GLRA3: variants seen among roughly 807,000 people sequenced by gnomAD.
GLRA3 encodes glycine receptor subunit alpha-3.
GLRA3 carries 44 observed loss-of-function variants against 60.4 expected under a neutral mutation model. The ratio of observed to expected loss-of-function variants is 0.73; its 90% CI spans 0.57 to 0.94. The LOEUF (loss-of-function observed/expected upper bound fraction) is 0.94, where lower values mean the gene tolerates loss of function less well. GLRA3 is among the 40% of genes least tolerant of loss of function. The probability of loss-of-function intolerance (pLI) is 0.00; values close to 1 mark genes in which losing one functional copy is unlikely to be tolerated. For synonymous variants in GLRA3, 223 were observed against 192.9 expected (o/e 1.16, Z -1.29); for missense variants, 508 against 564.6 (o/e 0.90, Z 1.02).
intron 1 of GLRA3, among the ~76,000 whole-genome samples, chr4:174,801,552 T>A (rs1314435840): frequency 3.7e-4 from 57 of 152,076 alleles, no homozygotes; most frequent in Non-Finnish European, 5.9e-5. Context: ...ATTCTCAAGA[T>A]GAAAATCTTT....
chr4:174,657,314 A>G (rs574458153), intron 8 of GLRA3, among the ~76,000 whole-genome samples: 2 of 152,300 alleles, frequency 1.3e-5, no homozygotes, highest in Non-Finnish European at 2.9e-5. Flanking sequence ...GATGTAGGAT[A>G]TGTCTGAGCT....
At chr4:174,813,024 A>G (rs1353897176) in intron 1 of GLRA3, among the ~76,000 whole-genome samples, 6 of 152,176 alleles carry the variant, frequency 3.9e-5, no homozygotes, top group African/African-American at 1.2e-4. Context: ...GCTTTGTACA[A>G]AAAGGCTAGC....
At chr4:174,816,534 C>T (rs1204844244) in intron 1 of GLRA3, among the ~76,000 whole-genome samples, 1 of 152,034 alleles carries the variant, frequency 6.6e-6, no homozygotes. Flanking sequence ...CTATTTTTGT[C>T]CTGGCACTAT....
At position 174,677,301 on chromosome 4, in the gene GLRA3, T is replaced by C. The variant is rs776968068; in HGVS notation, c.713-9A>G. 24 of 1,536,290 alleles carry C rather than the reference T, an allele frequency of 1.6e-5. No individual in the cohort carries two copies. Among genetic ancestry groups the C allele is most frequent in the Non-Finnish European group, 2.1e-5 (23 of 1,110,978 alleles). ...TATACACGTAAACTTTCCTAATTGGTGGTAAGGTAAATACAGCAATTAGTA... is the reference window on the plus strand; with the variant it reads ...TATACACGTAAACTTTCCTAATTGGCGGTAAGGTAAATACAGCAATTAGTA... On this transcript the variant is annotated splice_polypyrimidine_tract_variant and intron_variant, in intron 6 of 9. Transcript: ENST00000274093.
chr4:174,720,387 G>C (rs1415675533), intron 4 of GLRA3, among the ~76,000 whole-genome samples: 2 of 152,148 alleles, frequency 1.3e-5, no homozygotes, highest in African/African-American at 4.8e-5. Context: ...TGTATGTCTG[G>C]CACTATGCTG....
intron 2 of GLRA3, among the ~76,000 whole-genome samples, chr4:174,775,440 AAGAC>A (rs1561110356): frequency 6.6e-6 from 1 of 152,204 alleles, no homozygotes; most frequent in Non-Finnish European, 1.5e-5. Flanking sequence ...TTAAGGGTAA[AAGAC>A]AGAAACCACA....
chr4:174,727,546 C>T (rs926067247), intron 4 of GLRA3, among the ~76,000 whole-genome samples: 1 of 152,180 alleles, frequency 6.6e-6, no homozygotes, highest in African/African-American at 2.4e-5. Flanking sequence ...GAATTCTGTT[C>T]TTACGTCCTG....
At chr4:174,727,759 G>A (rs1736381290) in intron 4 of GLRA3, among the ~76,000 whole-genome samples, 1 of 151,716 alleles carries the variant, frequency 6.6e-6, no homozygotes. Context: ...ATTTTTATTA[G>A]TGTTTATTGT....
intron 3 of GLRA3, among the ~76,000 whole-genome samples, chr4:174,756,696 G>A (rs1379008621): frequency 6.6e-6 from 1 of 150,402 alleles, no homozygotes; most frequent in South Asian, 2.1e-4. Context: ...CCAGGCTGGA[G>A]TGCAGTGGCG....
chr4:174,737,928 CAACT>C (rs1283108743), intron 3 of GLRA3, among the ~76,000 whole-genome samples: 8 of 151,948 alleles, frequency 5.3e-5, no homozygotes, highest in Non-Finnish European at 1.0e-4. Context: ...TTATGGCATA[CAACT>C]AACTATGAAA....
chr4:174,761,601 T>C (rs997073489), intron 3 of GLRA3, among the ~76,000 whole-genome samples: 3 of 152,224 alleles, frequency 2.0e-5, no homozygotes, highest in African/African-American at 7.2e-5. Context: ...TTAAATCACA[T>C]AGCAGCACAA....
At chr4:174,811,118 G>C (rs963655548) in intron 1 of GLRA3, among the ~76,000 whole-genome samples, 6 of 146,558 alleles carry the variant, frequency 4.1e-5, no homozygotes, top group African/African-American at 7.7e-5. Context: ...CACACACAGA[G>C]AGATGCATGC....
chr4:174,646,494 T>G (rs1309083162), intron 9 of GLRA3, among the ~76,000 whole-genome samples: 2 of 152,156 alleles, frequency 1.3e-5, no homozygotes, highest in Admixed American at 1.3e-4. Flanking sequence ...CCTTTTTTAC[T>G]GTGAGGGGCT....
chr4:174,796,521 A>C (rs573552719), intron 1 of GLRA3, among the ~76,000 whole-genome samples: 1 of 151,934 alleles, frequency 6.6e-6, no homozygotes, highest in East Asian at 1.9e-4. Context: ...GCATTTTTAC[A>C]TAGTCTATCC....
At chr4:174,670,989 T>C (rs1276398627) in intron 7 of GLRA3, among the ~76,000 whole-genome samples, 1 of 152,136 alleles carries the variant, frequency 6.6e-6, no homozygotes, top group East Asian at 1.9e-4. Flanking sequence ...TATTTCATTT[T>C]CTGGGCCTTT....
chr4:174,676,092 T>C (rs994325319), intron 7 of GLRA3, among the ~76,000 whole-genome samples: 8 of 152,184 alleles, frequency 5.3e-5, no homozygotes, highest in African/African-American at 1.9e-4. Context: ...AACTTCTTCT[T>C]AGACGTCATT....
At chr4:174,752,991 T>C (rs941751840) in intron 3 of GLRA3, among the ~76,000 whole-genome samples, 9 of 152,186 alleles carry the variant, frequency 5.9e-5, no homozygotes, top group Non-Finnish European at 7.4e-5. Flanking sequence ...ATGGCTTATG[T>C]TATCAAGCCT....
At chr4:174,743,320 T>C (rs1043998053) in intron 3 of GLRA3, among the ~76,000 whole-genome samples, 1 of 152,140 alleles carries the variant, frequency 6.6e-6, no homozygotes, top group African/African-American at 2.4e-5. Context: ...TCGTGTAGGA[T>C]CTAATCTAGG....
intron 3 of GLRA3, among the ~76,000 whole-genome samples, chr4:174,756,893 G>T (rs1394642495): frequency 2.0e-5 from 3 of 152,066 alleles, no homozygotes; most frequent in African/African-American, 7.2e-5. Flanking sequence ...TGATCCACCC[G>T]CCACGGCCTC....
Sources: allele counts gnomAD v4.1 joint callset (sites outside exome capture counted in the v4.1 genomes callset), GRCh38; gene constraint gnomAD v4.1.1; transcripts MANE v1.5; gene names NCBI Gene and HGNC (gene_info 2026-07-23, HGNC 2026-07-21).